The following SLX4 variants were observed in gnomAD, a reference collection of about 807,000 sequenced individuals.
The protein encoded by SLX4 is SLX4 structure-specific endonuclease subunit.
In SLX4, 112 loss-of-function variants were observed where a neutral mutation model predicts 146.2. The ratio of observed to expected loss-of-function variants is 0.77; its 90% CI spans 0.66 to 0.90. The LOEUF is 0.90. Among genes scored for constraint, SLX4 ranks in the 40% least tolerant of loss-of-function variants. SLX4 has a pLI of 0.00. For missense variants in SLX4, 2,563 were observed against 2,392.7 expected (o/e 1.07, Z -1.49); for synonymous variants, 1,061 against 997.7 (o/e 1.06, Z -1.20).
intron 2 of SLX4, among the ~76,000 whole-genome samples, chr16:3,607,511 A>G (rs1421581394): frequency 6.6e-6 from 1 of 152,162 alleles, no homozygotes; most frequent in African/African-American, 2.4e-5. Flanking sequence ...CAGGGCAAGA[A>G]AACTGCTTTA....
At chr16:3,595,880 G>C (rs535581738) in intron 8 of SLX4, among the ~76,000 whole-genome samples, 187 bp from the exon 9 acceptor site, 312 of 152,346 alleles carry the variant, frequency 2.0e-3, no homozygotes, top group African/African-American at 7.2e-3. Context: ...AGGGAGGTAA[G>C]AGAAGAGCAA....
intron 3 of SLX4, among the ~76,000 whole-genome samples, chr16:3,604,499 T>C (rs1395694183): frequency 1.3e-5 from 2 of 152,102 alleles, no homozygotes. Flanking sequence ...CTAATGTCTA[T>C]AATTTACCTT....
rs1466193115 is a variant in SLX4 at position 3,584,771 on chromosome 16, A to T, written c.4737T>A (p.Asp1579Glu). ...AACAAGCTTTGAAGACCGCCAACCTATCCAGTTCCTTCTTCAGCACCGGCG... is the reference window on the plus strand; with the variant it reads ...AACAAGCTTTGAAGACCGCCAACCTTTCCAGTTCCTTCTTCAGCACCGGCG... ...METPVLKKEL[D>E]RFGVRPLPKR... Residue 1579 changes from aspartate (D) to glutamate (E), a missense_variant and splice_region_variant, in exon 13 of 15, where the codon GAT (aspartate) becomes GAA (glutamate). Physicochemically the swap from Asp to Glu is conservative, Grantham distance 45. Coordinates refer to ENST00000294008, the MANE Select transcript of SLX4 (RefSeq NM_032444.4). 25 of 1,612,112 alleles carry T rather than the reference A, an allele frequency of 1.6e-5. No individual in the cohort carries two copies. The highest frequency in any genetic ancestry group is 2.0e-5 in the Non-Finnish European group (23 of 1,178,230).
At position 3,590,522 on chromosome 16, in the gene SLX4, G is replaced by T. The variant is rs1299494246; in HGVS notation, c.3116C>A (p.Pro1039His). The change falls in exon 12 of 15, where the codon CCT becomes CAT. Residue 1039 changes from proline (P) to histidine (H), a missense_variant. Transcript: ENST00000294008. The surrounding 1 kb of genome is among the most constrained non-coding windows in gnomAD (Gnocchi z 4.8). ...CCCGCGGGGACTCCCGCCCTGGGGA[G>T]GCCCCAATAGGAAGCGGCACGGGTG... ...PPHPCRFLLG[P>H]PQGGSPRGSH... 2 of 1,613,138 alleles carry T rather than the reference G, an allele frequency of 1.2e-6. No homozygotes were observed. Among genetic ancestry groups the T allele is most frequent in the South Asian group, 2.2e-5 (2 of 91,084 alleles).
chr16:3,605,255 A>G (rs1409688850), intron 3 of SLX4, among the ~76,000 whole-genome samples: 1 of 151,864 alleles, frequency 6.6e-6, no homozygotes, highest in Non-Finnish European at 1.5e-5. Flanking sequence ...ATACCTTGCT[A>G]ATTTTTTGTA....
chr16:3,605,150 T>C (rs1348278674), intron 3 of SLX4, among the ~76,000 whole-genome samples: 2 of 151,486 alleles, frequency 1.3e-5, no homozygotes, highest in Non-Finnish European at 2.9e-5. Flanking sequence ...AGTGCAGTGG[T>C]GCAATCTCGG....
At position 3,589,686 on chromosome 16, in the gene SLX4, G is replaced by A; in HGVS notation, c.3952C>T (p.Pro1318Ser). 1.2e-6 allele frequency: 2 copies of A among 1,613,922 alleles called. No individual in the cohort carries two copies. The highest frequency in any genetic ancestry group is 1.7e-6 in the Non-Finnish European group (2 of 1,179,960). ...FSVIRPQTPP[P>S]QTPSSCLTPV... ...GTGAGGCATGAGGACGGTGTCTGGG[G>A]CGGTGGTGTCTGGGGCCTGATGACA... The change falls in exon 12 of 15, where the codon CCC becomes TCC. Residue 1318 changes from proline (P) to serine (S), a missense_variant. Coordinates refer to ENST00000294008, the MANE Select transcript of SLX4 (RefSeq NM_032444.4). The surrounding 1 kb of genome is among the most constrained non-coding windows in gnomAD (Gnocchi z 6.2).
At position 3,597,985 on chromosome 16, in the gene SLX4, C is replaced by T. The variant is rs112301713; in HGVS notation, c.1178G>A (p.Ser393Asn). ...GGGTCCTCTCCGTTTCAGACCTCTACTGTGATCACTGAAGCTAGAAAACAG... is the reference window on the plus strand; with the variant it reads ...GGGTCCTCTCCGTTTCAGACCTCTATTGTGATCACTGAAGCTAGAAAACAG... ...SPPMFSFSDH[S>N]RGLKRRGPTS... Residue 393 changes from serine (S) to asparagine (N), a missense_variant, in exon 6 of 15, where the codon AGT (serine) becomes AAT (asparagine). Ser to Asn is a conservative substitution (Grantham distance 46, BLOSUM62 1). Coordinates refer to ENST00000294008, the MANE Select transcript of SLX4 (RefSeq NM_032444.4). This position sits in a 1 kb window ranked among gnomAD's most constrained non-coding sequence, Gnocchi z 4.4. 23 of 1,614,212 alleles carry T rather than the reference C, an allele frequency of 1.4e-5. No individual in the cohort carries two copies. In the African/African-American group the frequency reaches 1.7e-4, roughly 12 times the overall value.
chr16:3,590,713 C>T lies in SLX4; in HGVS notation c.2925G>A (p.Pro975=), dbSNP rs1431725463. 9.3e-6 allele frequency: 15 copies of T among 1,614,050 alleles called. No individual in the cohort carries two copies. Among genetic ancestry groups the T allele is most frequent in the African/African-American group, 2.7e-5 (2 of 74,940 alleles). The change falls in exon 12 of 15, where the codon CCG becomes CCA. Residue 975 remains proline (P), a synonymous_variant. Coordinates refer to ENST00000294008, the MANE Select transcript of SLX4 (RefSeq NM_032444.4). The surrounding 1 kb of genome is among the most constrained non-coding windows in gnomAD (Gnocchi z 4.8). Reference sequence around the variant, plus strand: ...CGTAATCCCCGGCATCATCTGAGTGCGGAAGAGAGCCTTCTTTTCTCTCTG... The same window carrying T: ...CGTAATCCCCGGCATCATCTGAGTGTGGAAGAGAGCCTTCTTTTCTCTCTG... ...CQAERKEGSL[P]HSDDAGDYEQ...
Position 3,589,627 on chromosome 16 carries a change from C to T in SLX4, c.4011G>A (p.Arg1337=), listed in dbSNP as rs1487018930. Residue 1337 remains arginine, a synonymous_variant, in exon 12 of 15, where the codon AGG becomes AGA. Coordinates refer to ENST00000294008, the MANE Select transcript of SLX4 (RefSeq NM_032444.4). The surrounding 1 kb of genome is among the most constrained non-coding windows in gnomAD (Gnocchi z 6.2). ...GACGGGAAGGGCTTCTGTGGCCTTG[C>T]CTTCTGCCGTCAGAAGTTCCTGGAG... The part of the protein sequence containing the change: ...PVSPGTSDGR[R]QGHRSPSRPH... The T allele has an allele frequency of 1.2e-6, 2 of 1,613,924 alleles. No individual in the cohort carries two copies. Among genetic ancestry groups the T allele is most frequent in the Admixed American group, 3.3e-5 (2 of 60,008 alleles).
Position 3,598,016 on chromosome 16 carries a change from G to A in SLX4, c.1164-17C>T. 2 of 1,614,102 alleles carry A rather than the reference G, an allele frequency of 1.2e-6. No homozygotes were observed. Among genetic ancestry groups the A allele is most frequent in the Non-Finnish European group, 1.7e-6 (2 of 1,180,026 alleles). On this transcript the variant is annotated splice_polypyrimidine_tract_variant and intron_variant, in intron 5 of 14. Coordinates refer to ENST00000294008, the MANE Select transcript of SLX4 (RefSeq NM_032444.4). ...TCACTGAAGCTAGAAAACAGCCAAA[G>A]AGAAAAGTTACTGGGGCTAGAGGAG...
At chr16:3,606,847 G>T in intron 2 of SLX4, 149 bp from the exon 3 acceptor site, 2 of 794,402 alleles carry the variant, frequency 2.5e-6, no homozygotes, top group African/African-American at 1.7e-5. Flanking sequence ...CTGGTTGCTT[G>T]TTGGTAACCT....
At chr16:3,583,655 C>T (rs2040471046) in intron 13 of SLX4, 145 bp from the exon 14 acceptor site, 1 of 877,876 alleles carries the variant, frequency 1.1e-6, no homozygotes, top group Admixed American at 2.0e-5. Flanking sequence ...CTGTGAGCAT[C>T]AGAGGTTAGT....
chr16:3,590,569 A>C lies in SLX4; in HGVS notation c.3069T>G (p.Ala1023=). The change falls in exon 12 of 15, where the codon GCT becomes GCG. Residue 1023 remains alanine, a synonymous_variant. Coordinates refer to ENST00000294008, the MANE Select transcript of SLX4 (RefSeq NM_032444.4). This position sits in a 1 kb window ranked among gnomAD's most constrained non-coding sequence, Gnocchi z 4.8. ...GGTGCGGTGGAGATGCCTGCCAGGG[A>C]GCCAGGCGATGAGAAACCTCCAGCC... The part of the protein sequence containing the change: ...ERGLEVSHRL[A]PWQASPPHPC... 3 of 1,612,572 alleles carry C rather than the reference A, an allele frequency of 1.9e-6. No individual in the cohort carries two copies. Among genetic ancestry groups the C allele is most frequent in the Non-Finnish European group, 2.5e-6 (3 of 1,178,648 alleles).
At chr16:3,602,060 G>A in intron 4 of SLX4, 58 bp downstream of exon 4, 1 of 1,604,196 alleles carries the variant, frequency 6.2e-7, no homozygotes, top group East Asian at 2.2e-5. Flanking sequence ...CCAGCCCTGG[G>A]GTGCTTGGGG....
At position 3,606,679 on chromosome 16, in the gene SLX4, G is replaced by A. The variant is rs74640850; in HGVS notation, c.555C>T (p.Asp185=). 0.06 allele frequency: 97,490 copies of A among 1,613,964 alleles called. 3,286 individuals are homozygous for A. The highest frequency in any genetic ancestry group is 0.066 in the Admixed American group (3,969 of 60,010). Residue 185 remains aspartate (D), a synonymous_variant, in exon 3 of 15, where the codon GAC becomes GAT. Coordinates refer to ENST00000294008, the MANE Select transcript of SLX4 (RefSeq NM_032444.4). The part of the protein sequence containing the change: ...EKTRENVPNS[D]SQPPPSCLTT... ...TCAAACAGGAAGGAGGAGGCTGGGA[G>A]TCGCTGTTGGGCACATTCTCTGGCA...
chr16:3,599,087 T>A (rs900822130), intron 5 of SLX4, among the ~76,000 whole-genome samples: 1 of 152,194 alleles, frequency 6.6e-6, no homozygotes, highest in African/African-American at 2.4e-5. Flanking sequence ...ACATACTTTA[T>A]CTGAGCAGGT....
chr16:3,598,592 A>C (rs150226245), intron 5 of SLX4, among the ~76,000 whole-genome samples: 2,064 of 152,302 alleles, frequency 0.014, 46 homozygotes, highest in African/African-American at 0.047. Context: ...GCTGGAGAGA[A>C]CCTAGGCTGC....
rs1293883475 is a variant in SLX4, at chr16:3,608,413, AAAAGAGTAC to A, written c.535+8_535+16del. 7 of 1,614,130 alleles carry A rather than the reference AAAAGAGTAC, an allele frequency of 4.3e-6. No homozygotes were observed. Among genetic ancestry groups the A allele is most frequent in the African/African-American group, 4.0e-5 (3 of 75,044 alleles). On this transcript the variant is annotated splice_region_variant and intron_variant, in intron 2 of 14. Coordinates refer to ENST00000294008, the MANE Select transcript of SLX4 (RefSeq NM_032444.4). ...CAGGAAGTTTTCCAGCCCCTGGTTT[AAAAGAGTAC>A]AAATTACCTCTGGTTTTCTCTCTGG... is the stretch of plus-strand genomic sequence containing the variant.
Sources: gnomAD v4.1 joint callset for allele counts (sites outside exome capture counted in the v4.1 genomes callset) on GRCh38, gnomAD v4.1.1 for gene constraint, Gnocchi (gnomAD v3.1) non-coding constraint, MANE v1.5 for transcripts, NCBI Gene and HGNC (gene_info 2026-07-23, HGNC 2026-07-21) for gene names.